Variants in PEX5 observed in about 807,000 individuals in gnomAD.
The protein encoded by PEX5 is peroxisomal biogenesis factor 5, also known as PTS1 receptor.
PEX5 carries 52 observed loss-of-function variants against 82.9 expected under a neutral mutation model. The observed-to-expected ratio is 0.63, with a 90% CI of 0.50 to 0.79. The LOEUF is 0.79. PEX5 is among the 30% of genes least tolerant of loss of function. The pLI is 0.00. For missense variants in PEX5, 719 were observed against 815.2 expected (o/e 0.88, Z 1.44); for synonymous variants, 300 against 318.8 (o/e 0.94, Z 0.63).
At chr12:7,213,235 T>C (rs9738229), downstream of PEX5, among the ~76,000 whole-genome samples, 66,306 of 149,906 alleles carry the variant, frequency 0.44, 15,627 homozygotes, top group Admixed American at 0.61. Context: ...ACTTTAAAGT[T>C]CATATGGAAC....
intron 17 of PEX5, among the ~76,000 whole-genome samples, chr12:7,217,595 C>T (rs1185735183): frequency 6.6e-6 from 1 of 152,252 alleles, no homozygotes; most frequent in Admixed American, 6.5e-5. Context: ...TGTCACCTTT[C>T]ATTGGTCAAA....
At position 7,211,088 on chromosome 12, in the gene PEX5, TATAGAAA is replaced by T. The variant is rs1299200295; in HGVS notation, c.*868_*874del. On this transcript the variant is annotated 3_prime_UTR_variant, in exon 16 of 16. Transcript: ENST00000675855. ...TGTGAATGGGAATTGAGCCAACTGT[TATAGAAA>T]ATTGGTTCAGAAAGTGCAATCTTGC... 6.5e-6 allele frequency: 1 copy of T among 152,760 alleles called. No homozygotes were observed. Among genetic ancestry groups the T allele is most frequent in the Non-Finnish European group, 1.5e-5 (1 of 68,156 alleles). The allele number at this position is 152,760 out of a possible 1,614,324, so 9.5% of individuals were successfully genotyped here. A position where few individuals can be genotyped will look rare whatever the true frequency, so the allele number is the denominator to read the frequency against.
chr12:7,218,484 A>T (rs1039504688), exon 18 of PEX5: 1 of 152,204 alleles, frequency 6.6e-6, no homozygotes, highest in Non-Finnish European at 1.5e-5. Flanking sequence ...TGGATTCTCT[A>T]CCTACCATCT....
Position 7,201,819 on chromosome 12 carries a change from A to G in PEX5, c.620A>G (p.Asp207Gly), listed in dbSNP as rs1011160954. The G allele has an allele frequency of 8.7e-6, 14 of 1,613,308 alleles. No individual in the cohort carries two copies. Among genetic ancestry groups the G allele is most frequent in the African/African-American group, 4.0e-5 (3 of 75,002 alleles). Residue 207 changes from aspartate to glycine, a missense_variant, in exon 7 of 16, where the codon GAC becomes GGC. Transcript: ENST00000675855. Reference sequence around the variant, plus strand: ...AGTGACTTTGTGGCCAAAGTGGATGACCCCAAATTGGCTAATTCTGAGGTG... The same window carrying G: ...AGTGACTTTGTGGCCAAAGTGGATGGCCCCAAATTGGCTAATTCTGAGGTG... ...TASDFVAKVD[D>G]PKLANSEFLK...
At chr12:7,191,163 G>T in intron 3 of PEX5, 63 bp from the exon 4 acceptor site, 1 of 1,596,278 alleles carries the variant, frequency 6.3e-7, no homozygotes, top group Non-Finnish European at 8.6e-7. Flanking sequence ...CCTCCAGTGG[G>T]TCCTGCCTCT....
chr12:7,193,234 C>CTTTTTTTTTTTTT (rs11339507), intron 5 of PEX5, among the ~76,000 whole-genome samples: 12 of 121,112 alleles, frequency 9.9e-5, no homozygotes, highest in African/African-American at 3.2e-4. Context: ...TCTTGAGATT[C>CTTTTTTTTTTTTT]TTTTTTTTTT....
At chr12:7,196,087 T>C (rs1343792555) in intron 5 of PEX5, among the ~76,000 whole-genome samples, 1 of 139,406 alleles carries the variant, frequency 7.2e-6, no homozygotes, top group Non-Finnish European at 1.6e-5. Context: ...ATAATGTATT[T>C]CTTATGTTAT....
chr12:7,201,386 T>C (rs1248164794), intron 6 of PEX5, among the ~76,000 whole-genome samples: 1 of 151,540 alleles, frequency 6.6e-6, no homozygotes, highest in Admixed American at 6.6e-5. Context: ...TTTCAGACTT[T>C]TAAAATATAT....
chr12:7,201,185 A>G (rs963505203), intron 6 of PEX5, among the ~76,000 whole-genome samples: 12 of 151,670 alleles, frequency 7.9e-5, no homozygotes, highest in East Asian at 3.9e-4. Flanking sequence ...ATATGTACAC[A>G]CGCATACATA....
In PEX5 at chr12:7,210,177, C is replaced by G; in HGVS notation, c.1874C>G (p.Ala625Gly). 6.2e-7 allele frequency: 1 copy of G among 1,614,210 alleles called. No individual in the cohort carries two copies. Among genetic ancestry groups the G allele is most frequent in the Non-Finnish European group, 8.5e-7 (1 of 1,180,044 alleles). Residue 625 changes from alanine (A) to glycine (G), a missense_variant, in exon 16 of 16, where the codon GCG becomes GGG. Physicochemically the swap from Ala to Gly is moderately conservative, Grantham distance 60. Transcript: ENST00000675855. ...GQSDAYGAADARDLSTLLTMF... is the reference protein window; with the variant it reads ...GQSDAYGAADGRDLSTLLTMF... ...AGCGATGCCTATGGGGCAGCCGACG[C>G]GCGGGATCTGTCCACCCTCCTAACT...
Position 7,190,939 on chromosome 12 carries a change from T to C in PEX5, c.183+16T>C. Reference sequence around the variant, plus strand: ...TGAAGATGAGGTAAATAGACCAGTCTCTTTTCTGTCCCATTTTTCTCTTGC... The same window carrying C: ...TGAAGATGAGGTAAATAGACCAGTCCCTTTTCTGTCCCATTTTTCTCTTGC... On this transcript the variant is annotated intron_variant, in intron 3 of 15. Coordinates refer to ENST00000675855, the MANE Select transcript of PEX5 (RefSeq NM_001351132.2). The C allele has an allele frequency of 1.2e-6, 2 of 1,609,528 alleles. No homozygotes were observed. The highest frequency in any genetic ancestry group is 1.1e-5 in the South Asian group (1 of 90,990).
At position 7,211,003 on chromosome 12, in the gene PEX5, CAG is replaced by C. The variant is rs1415840127; in HGVS notation, c.*783_*784del. On this transcript the variant is annotated 3_prime_UTR_variant, in exon 16 of 16. Coordinates refer to ENST00000675855, the MANE Select transcript of PEX5 (RefSeq NM_001351132.2). ...CTATTCAGGAACGTTGGTGGGAGGA[CAG>C]AGCAAGTGGGAAGGGGGTATGGTGA... The C allele has an allele frequency of 2.6e-5, 4 of 154,124 alleles. No individual in the cohort carries two copies. Among genetic ancestry groups the C allele is most frequent in the African/African-American group, 9.7e-5 (4 of 41,184 alleles). The allele number at this position is 154,124 out of a possible 1,614,324, so 9.5% of individuals were successfully genotyped here.
In PEX5 at chr12:7,211,052, T is replaced by G. The variant is rs1363359634; in HGVS notation, c.*829T>G. ...GTGAGTGCGGCAATCCCTCATCCTCTTAGAAGCACCTGTGAATGGGAATTG... is the reference window on the plus strand; with the variant it reads ...GTGAGTGCGGCAATCCCTCATCCTCGTAGAAGCACCTGTGAATGGGAATTG... On this transcript the variant is annotated 3_prime_UTR_variant, in exon 16 of 16. Transcript: ENST00000675855. The G allele has an allele frequency of 6.5e-6, 1 of 152,914 alleles. No homozygotes were observed. Among genetic ancestry groups the G allele is most frequent in the East Asian group, 1.9e-4 (1 of 5,200 alleles). 9.5% of individuals were successfully genotyped at this position (152,914 alleles called of 1,614,324 possible).
chr12:7,214,573 G>A (rs1264894734), downstream of PEX5, among the ~76,000 whole-genome samples: 2 of 103,886 alleles, frequency 1.9e-5, no homozygotes, highest in Admixed American at 1.2e-4. Context: ...TTGTGGGGTG[G>A]GGGGAGGGGG....
At chr12:7,198,009 T>C (rs752684797) in intron 5 of PEX5, among the ~76,000 whole-genome samples, 2,329 of 4,862 alleles carry the variant, frequency 0.48, 36 homozygotes, top group Middle Eastern at 0.5. Context: ...TCTCTTTGTT[T>C]CCTTGTGTTC....
At chr12:7,191,887 G>C (rs2135909715) in intron 5 of PEX5, among the ~76,000 whole-genome samples, 187 bp downstream of exon 5, 1 of 152,290 alleles carries the variant, frequency 6.6e-6, no homozygotes, top group Middle Eastern at 3.4e-3. Flanking sequence ...GAGAGGACTG[G>C]GTTTGTACTG....
intron 6 of PEX5, among the ~76,000 whole-genome samples, chr12:7,199,719 G>A (rs887476995): frequency 6.6e-6 from 1 of 150,634 alleles, no homozygotes; most frequent in African/African-American, 2.4e-5. Flanking sequence ...GAGCTATTGG[G>A]TACACCTCCC....
chr12:7,202,179 G>C, intron 7 of PEX5, 62 bp from the exon 8 acceptor site: 1 of 1,612,554 alleles, frequency 6.2e-7, no homozygotes, highest in Non-Finnish European at 8.5e-7. Flanking sequence ...TCTTGGGCAT[G>C]GTTGAGAGTG....
At position 7,207,644 on chromosome 12, in the gene PEX5, G is replaced by A. The variant is rs201341037; in HGVS notation, c.967-15G>A. On this transcript the variant is annotated splice_polypyrimidine_tract_variant and intron_variant, in intron 10 of 15. Transcript: ENST00000675855. The stretch of plus-strand genomic sequence containing the variant: ...TGCCACCTCTCAGTCCATCTCTCAC[G>A]TGCTTTTCTTGTAGGGGTACCAGTT... The A allele has an allele frequency of 1.3e-4, 207 of 1,613,824 alleles. 1 individual carries two copies. The highest frequency in any genetic ancestry group is 8.2e-4 in the Middle Eastern group (5 of 6,062).
Sources: allele counts gnomAD v4.1 joint callset (sites outside exome capture counted in the v4.1 genomes callset), GRCh38; gene constraint gnomAD v4.1.1; transcripts MANE v1.5; gene names NCBI Gene and HGNC (gene_info 2026-07-23, HGNC 2026-07-21).